Variants in KIAA1549L observed in about 807,000 individuals in gnomAD.
KIAA1549L encodes the protein UPF0606 protein KIAA1549L.
A neutral mutation model predicts 160.7 loss-of-function variants in KIAA1549L; 88 were observed. That is an observed-to-expected ratio of 0.55 (90% CI 0.46 to 0.65). KIAA1549L has a LOEUF of 0.65. Ranked by LOEUF, KIAA1549L falls within the 30% of genes least tolerant of loss-of-function variation. The probability of loss-of-function intolerance (pLI) is 0.00; values close to 1 mark genes in which losing one functional copy is unlikely to be tolerated. For missense variants in KIAA1549L, 2,258 were observed against 2,437.5 expected, an observed-to-expected ratio of 0.93 and a Z score of 1.55; for synonymous variants, 950 against 976.7, an observed-to-expected ratio of 0.97 and a Z score of 0.51.
chr11:33,466,199 A>G (rs904441000), intron 1 of KIAA1549L, among the ~76,000 whole-genome samples: 1 of 152,234 alleles, frequency 6.6e-6, no homozygotes, highest in Non-Finnish European at 1.5e-5. Flanking sequence ...ACAGAATGGG[A>G]GAAAATTTTT....
intron 1 of KIAA1549L, among the ~76,000 whole-genome samples, chr11:33,530,437 ATATATATATATAT>A (rs1188015071): frequency 0.011 from 34 of 3,192 alleles, no homozygotes; most frequent in Non-Finnish European, 0.018. Context: ...AAAAAAAAAA[ATATATATATATAT>A]ATATATATAT....
chr11:33,639,752 C>A (rs1274459598), intron 16 of KIAA1549L, among the ~76,000 whole-genome samples: 1 of 152,160 alleles, frequency 6.6e-6, no homozygotes, highest in East Asian at 1.9e-4. Flanking sequence ...GTTGCCCAGG[C>A]TGGTCTCGAA....
intron 11 of KIAA1549L, among the ~76,000 whole-genome samples, 171 bp downstream of exon 11, chr11:33,583,672 A>T (rs1019467758): frequency 1.5e-4 from 23 of 152,220 alleles, no homozygotes; most frequent in Non-Finnish European, 2.2e-4. Flanking sequence ...GTTTGTGGTT[A>T]TCTGATGCCC....
intron 13 of KIAA1549L, among the ~76,000 whole-genome samples, chr11:33,600,839 T>G (rs1850339571): frequency 6.6e-6 from 1 of 152,226 alleles, no homozygotes; most frequent in African/African-American, 2.4e-5. Flanking sequence ...ACAAAGCTCC[T>G]TTCTTTATGA....
intron 1 of KIAA1549L, among the ~76,000 whole-genome samples, chr11:33,457,165 A>G (rs763401688): frequency 3.3e-5 from 5 of 152,064 alleles, no homozygotes; most frequent in Non-Finnish European, 7.4e-5. Flanking sequence ...CCCTGTCCAG[A>G]AGAGGGGTTT....
At chr11:33,492,798 C>G (rs1039883103) in intron 1 of KIAA1549L, among the ~76,000 whole-genome samples, 5 of 152,144 alleles carry the variant, frequency 3.3e-5, no homozygotes, top group African/African-American at 1.2e-4. Flanking sequence ...ATTCTGTCTG[C>G]CTGCAGTACT....
intron 1 of KIAA1549L, among the ~76,000 whole-genome samples, chr11:33,498,396 C>T (rs1446723308): frequency 2.0e-5 from 3 of 152,126 alleles, no homozygotes; most frequent in African/African-American, 7.2e-5. Flanking sequence ...GCTGGCAGGC[C>T]CCTTTATGCC....
chr11:33,636,379 C>T (rs557901176), intron 16 of KIAA1549L, among the ~76,000 whole-genome samples: 14 of 141,464 alleles, frequency 9.9e-5, no homozygotes, highest in African/African-American at 3.2e-4. Flanking sequence ...GACAGAGTCT[C>T]GCTGTGTCAC....
intron 1 of KIAA1549L, among the ~76,000 whole-genome samples, chr11:33,451,945 G>A (rs754203421): frequency 6.6e-6 from 1 of 152,132 alleles, no homozygotes; most frequent in Non-Finnish European, 1.5e-5. Flanking sequence ...TATCAGCTGA[G>A]GAAACTGAGG....
Position 33,542,064 on chromosome 11 carries a change from C to T in KIAA1549L, c.501C>T (p.Ala167=), listed in dbSNP as rs1257256594. The T allele has an allele frequency of 2.1e-6, 1 of 472,322 alleles. No homozygotes were observed. The highest frequency in any genetic ancestry group is 2.3e-5 in the Admixed American group (1 of 42,964). 29.3% of individuals were successfully genotyped at this position (472,322 alleles called of 1,614,324 possible). The change falls in exon 2 of 21, where the codon GCC becomes GCT. Residue 167 remains alanine, a synonymous_variant. Coordinates refer to ENST00000658780, the MANE Select transcript of KIAA1549L (RefSeq NM_012194.3). ...TTTACCAAGGAAGCGGACATAGCGC[C>T]TCCCTCGAACCTTCCAAGGATTCTA... The part of the protein sequence containing the change: ...SSLYQGSGHS[A]SLEPSKDSTE...
Position 33,668,431 on chromosome 11 carries a change from GGAAGCTTAGT to G in KIAA1549L, c.*278_*287del, listed in dbSNP as rs1852561047. On this transcript the variant is annotated 3_prime_UTR_variant, in exon 21 of 21. Transcript: ENST00000658780. ...TTTGAACTTTGGGCATGTGCCCTAT[GGAAGCTTAGT>G]CACAAGAGGCACTAGCTAATCTACA... 4 of 481,270 alleles carry G rather than the reference GGAAGCTTAGT, an allele frequency of 8.3e-6. No individual in the cohort carries two copies. The South Asian group carries it at 8.8e-5, about 11-fold the overall frequency. The allele number at this position is 481,270 out of a possible 1,614,324, so 29.8% of individuals were successfully genotyped here.
chr11:33,475,590 T>C (rs1024731672), intron 1 of KIAA1549L, among the ~76,000 whole-genome samples: 26 of 150,830 alleles, frequency 1.7e-4, no homozygotes, highest in Admixed American at 1.4e-3. Context: ...CAGCGGCTCA[T>C]GCCTGTAATC....
At chr11:33,516,971 T>C (rs912066842) in intron 1 of KIAA1549L, among the ~76,000 whole-genome samples, 3 of 152,230 alleles carry the variant, frequency 2.0e-5, no homozygotes, top group African/African-American at 7.2e-5. Context: ...TAATTGCTAT[T>C]ACTCTCAAAG....
chr11:33,628,379 G>A (rs971884029), intron 16 of KIAA1549L, among the ~76,000 whole-genome samples: 1 of 151,630 alleles, frequency 6.6e-6, no homozygotes, highest in African/African-American at 2.4e-5. Flanking sequence ...AATGTTGACA[G>A]TGGGGTGTTA....
intron 1 of KIAA1549L, among the ~76,000 whole-genome samples, chr11:33,423,843 C>T (rs1353062717): frequency 6.6e-6 from 1 of 152,124 alleles, no homozygotes; most frequent in Non-Finnish European, 1.5e-5. Context: ...GCCTGGGCAA[C>T]ATAGCGAGAT....
chr11:33,521,677 G>A (rs1164261354), intron 1 of KIAA1549L, among the ~76,000 whole-genome samples: 1 of 152,192 alleles, frequency 6.6e-6, no homozygotes, highest in Non-Finnish European at 1.5e-5. Context: ...TCTAGCAAAT[G>A]ATATATGTCT....
At chr11:33,400,980 AC>A (rs1351643911) in intron 1 of KIAA1549L, among the ~76,000 whole-genome samples, 10 of 152,104 alleles carry the variant, frequency 6.6e-5, no homozygotes, top group Non-Finnish European at 1.5e-4. Flanking sequence ...GCTCCTGTCC[AC>A]TGCTAAGCTG....
intron 1 of KIAA1549L, among the ~76,000 whole-genome samples, chr11:33,519,051 T>G (rs1853421538): frequency 6.6e-6 from 1 of 152,212 alleles, no homozygotes; most frequent in Admixed American, 6.5e-5. Flanking sequence ...CATTTTCACA[T>G]GTGTAGCACA....
At chr11:33,611,359 G>A (rs575226150) in intron 15 of KIAA1549L, among the ~76,000 whole-genome samples, 51 of 152,188 alleles carry the variant, frequency 3.4e-4, no homozygotes, top group Non-Finnish European at 6.0e-4. Flanking sequence ...AAGCAAAAAT[G>A]ACTTTGTGAC....
Sources: gnomAD v4.1 joint callset for allele counts (sites outside exome capture counted in the v4.1 genomes callset) on GRCh38, gnomAD v4.1.1 for gene constraint, MANE v1.5 for transcripts, NCBI Gene and HGNC (gene_info 2026-07-23, HGNC 2026-07-21) for gene names.